The following IL21R variants were observed in gnomAD, a reference collection of about 807,000 sequenced individuals.
IL21R encodes interleukin-21 receptor.
IL21R carries 14 observed loss-of-function variants against 41.3 expected under a neutral mutation model. That is an observed-to-expected ratio of 0.34 (90% CI 0.22 to 0.53). The LOEUF is 0.53. Among genes scored for constraint, IL21R ranks in the 20% least tolerant of loss-of-function variants. The pLI, the probability that IL21R is intolerant of heterozygous loss-of-function variation, is 0.94. For synonymous variants in IL21R, 286 were observed against 287.6 expected, an observed-to-expected ratio of 0.99 and a Z score of 0.05; for missense variants, 588 against 681.6, an observed-to-expected ratio of 0.86 and a Z score of 1.53.
At position 27,451,092 on chromosome 16, in the gene IL21R, G is replaced by A. The variant is rs2087588760; in HGVS notation, c.*1809G>A. The A allele has an allele frequency of 4.3e-6, 1 of 233,200 alleles. No individual in the cohort carries two copies. Among genetic ancestry groups the A allele is most frequent in the Admixed American group, 5.6e-5 (1 of 17,762 alleles). 14.4% of individuals were successfully genotyped at this position (233,200 alleles called of 1,614,324 possible). A position where few individuals can be genotyped will look rare whatever the true frequency, so the allele number is the denominator to read the frequency against. ...AGACTTGGATGGGAGCACAAGAGTG[G>A]AAACACAGCTTCTGCACGGAGCAGG... On this transcript the variant is annotated 3_prime_UTR_variant, in exon 9 of 9. Transcript: ENST00000337929.
At chr16:27,404,453 G>A (rs902315415) in intron 1 of IL21R, among the ~76,000 whole-genome samples, 1 of 152,184 alleles carries the variant, frequency 6.6e-6, no homozygotes, top group Non-Finnish European at 1.5e-5. Flanking sequence ...TACCAGAGGA[G>A]GAGGCCCATT....
chr16:27,410,162 C>G (rs537400364), intron 1 of IL21R, among the ~76,000 whole-genome samples: 1 of 151,884 alleles, frequency 6.6e-6, no homozygotes, highest in Non-Finnish European at 1.5e-5. Context: ...GTGGTGAAAC[C>G]CTGTCTCCAC....
At chr16:27,444,444 C>A in intron 5 of IL21R, 98 bp from the exon 6 acceptor site, 1 of 771,248 alleles carries the variant, frequency 1.3e-6, no homozygotes, top group Non-Finnish European at 1.9e-6. Context: ...AGACACTCAG[C>A]CCCTTTGATG....
chr16:27,403,063 G>A (rs2086684131), intron 1 of IL21R: 6 of 493,862 alleles, frequency 1.2e-5, no homozygotes, highest in South Asian at 8.1e-5. Context: ...ACAATGGCTG[G>A]TGTGCCCATT....
chr16:27,430,020 C>T (rs1396309388), intron 1 of IL21R, 36 bp from the exon 2 acceptor site: 4 of 1,588,792 alleles, frequency 2.5e-6, no homozygotes, highest in Non-Finnish European at 3.4e-6. Flanking sequence ...AGCCCTGAGC[C>T]CGCCTGGCTC....
intron 1 of IL21R, among the ~76,000 whole-genome samples, chr16:27,420,635 C>T (rs1384054104): frequency 6.6e-6 from 1 of 152,126 alleles, no homozygotes; most frequent in Non-Finnish European, 1.5e-5. Context: ...AATCTTTTGC[C>T]CATTTTAAAT....
chr16:27,412,420 CTT>C (rs1026054138), intron 1 of IL21R, among the ~76,000 whole-genome samples: 1 of 140,572 alleles, frequency 7.1e-6, no homozygotes, highest in Admixed American at 7.0e-5. Context: ...TCTTCTTCTT[CTT>C]TTTTTTTTTA....
intron 3 of IL21R, among the ~76,000 whole-genome samples, chr16:27,436,768 A>G (rs184275582): frequency 1.3e-5 from 2 of 152,168 alleles, no homozygotes; most frequent in Non-Finnish European, 2.9e-5. Flanking sequence ...ACAGGCTATT[A>G]TTAGATATTC....
intron 1 of IL21R, among the ~76,000 whole-genome samples, chr16:27,415,829 C>A (rs1165381992): frequency 1.3e-5 from 2 of 152,196 alleles, no homozygotes; most frequent in Non-Finnish European, 2.9e-5. Context: ...ATTCCCAGGA[C>A]CCCCCAGTTC....
chr16:27,412,730 T>C (rs2086840846), intron 1 of IL21R, among the ~76,000 whole-genome samples: 2 of 152,300 alleles, frequency 1.3e-5, no homozygotes, highest in African/African-American at 4.8e-5. Context: ...TTTCTCTTTT[T>C]GATGCTATTG....
intron 1 of IL21R, among the ~76,000 whole-genome samples, chr16:27,419,949 C>T (rs552020265): frequency 6.4e-4 from 95 of 147,668 alleles, no homozygotes; most frequent in East Asian, 2.8e-3. Flanking sequence ...AGTGCAGTGG[C>T]GCAATCTCGG....
chr16:27,449,458 A>ATG lies in IL21R; in HGVS notation c.*193_*194dup, dbSNP rs35044665. On this transcript the variant is annotated 3_prime_UTR_variant, in exon 9 of 9. Transcript: ENST00000337929. ...TGCATATGTGTGTGTGTGCATATGC[A>ATG]TGTGTGTGTGTGTGTGTGTCTTAGG... 109,728 of 597,748 alleles carry ATG rather than the reference A, an allele frequency of 0.18. 6,548 individuals are homozygous for ATG. The highest frequency in any genetic ancestry group is 0.22 in the Middle Eastern group (473 of 2,176). The allele number at this position is 597,748 out of a possible 1,614,324, so 37.0% of individuals were successfully genotyped here. A position where few individuals can be genotyped will look rare whatever the true frequency, so the allele number is the denominator to read the frequency against.
chr16:27,430,976 G>A (rs564462426), intron 2 of IL21R, among the ~76,000 whole-genome samples: 27 of 152,308 alleles, frequency 1.8e-4, no homozygotes, highest in Admixed American at 1.3e-3. Flanking sequence ...AGGGGGTGAC[G>A]TTAGAAAGCA....
At chr16:27,431,184 C>G (rs1596583067) in intron 2 of IL21R, among the ~76,000 whole-genome samples, 1 of 152,290 alleles carries the variant, frequency 6.6e-6, no homozygotes, top group South Asian at 2.1e-4. Context: ...TACCAGAAGA[C>G]CCAGGACCTC....
rs1423201047 is a variant in IL21R at position 27,446,008 on chromosome 16, C to A, written c.787C>A (p.Leu263Ile). 1.2e-6 allele frequency: 2 copies of A among 1,612,072 alleles called. No individual in the cohort carries two copies. Among genetic ancestry groups the A allele is most frequent in the Admixed American group, 3.3e-5 (2 of 59,772 alleles). Residue 263 changes from leucine to isoleucine, a missense_variant and splice_region_variant, in exon 8 of 9, where the codon CTA becomes ATA. Coordinates refer to ENST00000337929, the MANE Select transcript of IL21R (RefSeq NM_181078.3). ...WSLKTHPLWR[L>I]WKKIWAVPSP... is the part of the protein sequence containing the mutation. ...CCTCACCCCTCTCTGCCCCCTCAGG[C>A]TATGGAAGAAGATATGGGCCGTCCC...
At position 27,446,044 on chromosome 16, in the gene IL21R, C is replaced by G. The variant is rs200379224; in HGVS notation, c.823C>G (p.Arg275Gly). The G allele has an allele frequency of 1.9e-6, 3 of 1,613,808 alleles. No individual in the cohort carries two copies. The highest frequency in any genetic ancestry group is 2.5e-6 in the Non-Finnish European group (3 of 1,179,860). Reference protein sequence around the residue: ...KKIWAVPSPERFFMPLYKGCS... With the variant: ...KKIWAVPSPEGFFMPLYKGCS... The stretch of plus-strand genomic sequence containing the variant: ...GATATGGGCCGTCCCCAGCCCTGAG[C>G]GGTTCTTCATGCCCCTGTACAAGGG... The change falls in exon 8 of 9, where the codon CGG (arginine) becomes GGG (glycine). Residue 275 changes from arginine to glycine, a missense_variant. Physicochemically the swap from Arg to Gly is moderately radical, Grantham distance 125. Transcript: ENST00000337929.
chr16:27,438,049 G>A (rs1317164333), intron 4 of IL21R, among the ~76,000 whole-genome samples: 1 of 152,048 alleles, frequency 6.6e-6, no homozygotes, highest in African/African-American at 2.4e-5. Flanking sequence ...GTTTTGAGTT[G>A]CGCTATTTTT....
chr16:27,437,474 CT>C lies in IL21R; in HGVS notation c.153-11del. 1 of 1,611,638 alleles carries C rather than the reference CT, an allele frequency of 6.2e-7. No individual in the cohort carries two copies. The highest frequency in any genetic ancestry group is 8.5e-7 in the Non-Finnish European group (1 of 1,179,316). On this transcript the variant is annotated splice_polypyrimidine_tract_variant and intron_variant, in intron 3 of 8. Transcript: ENST00000337929. The stretch of plus-strand genomic sequence containing the variant: ...CCTGGCTTCCAGCCATGACCGGCTG[CT>C]TTGTCCTTGAAGGCAAGACCAGTAT...
rs769429806 is a variant in IL21R, at chr16:27,449,197, G to C, written c.1531G>C (p.Gly511Arg). 6.2e-7 allele frequency: 1 copy of C among 1,612,872 alleles called. No individual in the cohort carries two copies. Among genetic ancestry groups the C allele is most frequent in the Middle Eastern group, 1.7e-4 (1 of 6,060 alleles). Reference protein sequence around the residue: ...SPVECDFTSPGDEGPPRSYLR... With the variant: ...SPVECDFTSPRDEGPPRSYLR... Reference sequence around the variant, plus strand: ...TGTGGAGTGTGACTTCACCAGCCCCGGGGACGAAGGACCCCCCCGGAGCTA... The same window carrying C: ...TGTGGAGTGTGACTTCACCAGCCCCCGGGACGAAGGACCCCCCCGGAGCTA... The change falls in exon 9 of 9, where the codon GGG becomes CGG. Residue 511 changes from glycine (G) to arginine (R), a missense_variant. Gly to Arg is a moderately radical substitution (Grantham distance 125). Transcript: ENST00000337929.
Sources: allele counts gnomAD v4.1 joint callset (sites outside exome capture counted in the v4.1 genomes callset), GRCh38; gene constraint gnomAD v4.1.1; transcripts MANE v1.5; gene names NCBI Gene and HGNC (gene_info 2026-07-23, HGNC 2026-07-21).